Variants in CTNNA2 observed in about 807,000 individuals in gnomAD.
CTNNA2 encodes catenin alpha-2.
CTNNA2 carries 42 observed loss-of-function variants against 101.0 expected under a neutral mutation model. The ratio of observed to expected loss-of-function variants is 0.42; its 90% confidence interval spans 0.32 to 0.54. CTNNA2 has a LOEUF of 0.54. Among genes scored for constraint, CTNNA2 ranks in the 20% least tolerant of loss-of-function variants. CTNNA2 has a pLI of 0.14. For synonymous variants in CTNNA2, 450 were observed against 456.4 expected, an observed-to-expected ratio of 0.99 and a Z score of 0.18; for missense variants, 871 against 1,223.1, an observed-to-expected ratio of 0.71 and a Z score of 4.29.
At chr2:80,515,346 T>A (rs557237299) in intron 9 of CTNNA2, among the ~76,000 whole-genome samples, 128 of 152,260 alleles carry the variant, frequency 8.4e-4, no homozygotes, top group Non-Finnish European at 1.5e-3. Flanking sequence ...AAAGATAAGA[T>A]GATAAATTAA....
At chr2:79,310,620 G>A (rs1455042105) in intron 2 of CTNNA2, among the ~76,000 whole-genome samples, 1 of 152,152 alleles carries the variant, frequency 6.6e-6, no homozygotes, top group Non-Finnish European at 1.5e-5. Flanking sequence ...CTTGGGTGCT[G>A]CAACCAATTT....
intron 15 of CTNNA2, among the ~76,000 whole-genome samples, chr2:80,595,308 G>T (rs1281378558): frequency 2.6e-5 from 4 of 151,904 alleles, no homozygotes; most frequent in Non-Finnish European, 5.9e-5. Flanking sequence ...CTAGTGTCTA[G>T]AAACATTTTG....
At chr2:80,630,491 G>T (rs959002831) in intron 18 of CTNNA2, among the ~76,000 whole-genome samples, 2 of 152,126 alleles carry the variant, frequency 1.3e-5, no homozygotes, top group Admixed American at 6.5e-5. Flanking sequence ...AAAAAAATTA[G>T]CTGGGCATGG....
intron 1 of CTNNA2, among the ~76,000 whole-genome samples, chr2:79,537,517 G>A (rs1673145040): frequency 6.6e-6 from 1 of 152,062 alleles, no homozygotes; most frequent in Non-Finnish European, 1.5e-5. Context: ...TATGACCTTA[G>A]GAAAACCCAA....
At chr2:79,254,655 T>C (rs1674818851) in intron 2 of CTNNA2, among the ~76,000 whole-genome samples, 1 of 152,168 alleles carries the variant, frequency 6.6e-6, no homozygotes, top group African/African-American at 2.4e-5. Context: ...TTTATAGCAA[T>C]GCAAGAATGG....
At position 80,316,216 on chromosome 2, in the gene CTNNA2, A is replaced by G. The variant is rs76620904; in HGVS notation, c.1057-76995A>G. 1.5e-4 allele frequency among the ~76,000 whole-genome samples: 23 copies of G among 152,236 alleles called. No homozygotes were observed. In the East Asian group the frequency reaches 3.9e-3, roughly 26 times the overall value. Reference sequence around the variant, plus strand: ...AATAGCTAGAGAGAGAGGATATAACATTTTTATGCTCAATTGTCCTGTGCC... The same window carrying G: ...AATAGCTAGAGAGAGAGGATATAACGTTTTTATGCTCAATTGTCCTGTGCC... On this transcript the variant is annotated intron_variant, in intron 7 of 18. Transcript: ENST00000402739.
chr2:79,404,902 C>G (rs575921533), intron 4 of CTNNA2, among the ~76,000 whole-genome samples: 1 of 152,152 alleles, frequency 6.6e-6, no homozygotes, highest in South Asian at 2.1e-4. Flanking sequence ...ATTTCTTTCC[C>G]TGTCTCAGAA....
At chr2:79,295,687 T>TA (rs1166699665) in intron 2 of CTNNA2, among the ~76,000 whole-genome samples, 1 of 152,014 alleles carries the variant, frequency 6.6e-6, no homozygotes. Flanking sequence ...GGGAATGAAA[T>TA]AAAAATACAA....
chr2:79,842,690 G>A (rs958225480), intron 3 of CTNNA2, among the ~76,000 whole-genome samples: 6 of 151,274 alleles, frequency 4.0e-5, no homozygotes, highest in Admixed American at 6.6e-5. Context: ...AAATTTAGCC[G>A]TAGTTTTGGG....
intron 7 of CTNNA2, among the ~76,000 whole-genome samples, chr2:79,937,936 C>T (rs898626190): frequency 2.0e-5 from 3 of 152,168 alleles, no homozygotes; most frequent in Non-Finnish European, 4.4e-5. Context: ...GAGATTCATT[C>T]TATTGACCTT....
intron 9 of CTNNA2, among the ~76,000 whole-genome samples, chr2:80,482,117 T>A (rs1366022702): frequency 3.9e-5 from 6 of 152,218 alleles, no homozygotes; most frequent in Non-Finnish European, 7.4e-5. Flanking sequence ...ATTACTTCAG[T>A]CATGTAATAG....
At chr2:80,365,583 A>AAC (rs1553504844) in intron 7 of CTNNA2, among the ~76,000 whole-genome samples, 2 of 148,836 alleles carry the variant, frequency 1.3e-5, no homozygotes, top group Admixed American at 1.3e-4. Context: ...AAAAAAAAAA[A>AAC]AACAACAACA....
chr2:80,157,305 G>A (rs543926062), intron 7 of CTNNA2, among the ~76,000 whole-genome samples: 15 of 152,260 alleles, frequency 9.9e-5, no homozygotes, highest in East Asian at 1.9e-4. Context: ...AAGCGGGGGC[G>A]TGGTTGGTGT....
At chr2:80,033,148 CAAAAA>C (rs781462046) in intron 7 of CTNNA2, among the ~76,000 whole-genome samples, 1 of 56,128 alleles carries the variant, frequency 1.8e-5, no homozygotes, top group Non-Finnish European at 3.8e-5. Flanking sequence ...GACTCCATCT[CAAAAA>C]AAAAAAAAAA....
chr2:79,835,283 A>C (rs1679237258), intron 3 of CTNNA2, among the ~76,000 whole-genome samples: 1 of 152,190 alleles, frequency 6.6e-6, no homozygotes, highest in Non-Finnish European at 1.5e-5. Flanking sequence ...TACTGAGTCC[A>C]TATAAATCTG....
intron 1 of CTNNA2, chr2:79,547,488 C>T (rs1446464714): frequency 2.0e-5 from 3 of 152,534 alleles, no homozygotes; most frequent in African/African-American, 7.2e-5. Context: ...TATGGCTTCT[C>T]TCCAGCAGGG....
At chr2:79,467,901 C>A (rs1310383296) in intron 4 of CTNNA2, among the ~76,000 whole-genome samples, 1 of 152,166 alleles carries the variant, frequency 6.6e-6, no homozygotes, top group Non-Finnish European at 1.5e-5. Flanking sequence ...AAAGGAACAA[C>A]TGGTACCAGC....
At chr2:80,625,686 T>TCCCTTCTTCCATTGTAGCTTCTTTAC (rs1671609934) in intron 18 of CTNNA2, among the ~76,000 whole-genome samples, 1 of 151,538 alleles carries the variant, frequency 6.6e-6, no homozygotes, top group African/African-American at 2.4e-5. Flanking sequence ...AGCTTCTTTA[T>TCCCTTCTTCCATTGTAGCTTCTTTAC]CATCCTTTCT....
intron 7 of CTNNA2, among the ~76,000 whole-genome samples, chr2:80,295,225 ATT>A (rs11371104): frequency 2.7e-5 from 4 of 147,140 alleles, no homozygotes; most frequent in Admixed American, 6.8e-5. Context: ...TCCTGAACAA[ATT>A]TTTTTTTTTT....
Sources: gnomAD v4.1 joint callset for allele counts (sites outside exome capture counted in the v4.1 genomes callset) on GRCh38, gnomAD v4.1.1 for gene constraint, MANE v1.5 for transcripts, NCBI Gene and HGNC (gene_info 2026-07-23, HGNC 2026-07-21) for gene names.